The following SND1 variants were observed in gnomAD, a reference collection of about 807,000 sequenced individuals.
SND1 encodes staphylococcal nuclease and tudor domain containing 1.
A neutral mutation model predicts 121.7 loss-of-function variants in SND1; 38 were observed. The observed-to-expected ratio is 0.31, with a 90% CI of 0.24 to 0.41. The LOEUF is 0.41. Among genes scored for constraint, SND1 ranks in the 10% least tolerant of loss-of-function variants. SND1 has a pLI of 1.00. For synonymous variants in SND1, 401 were observed against 447.4 expected (o/e 0.90, Z 1.31); for missense variants, 868 against 1,184.6 (o/e 0.73, Z 3.92).
chr7:127,881,613 G>A (rs1563045821), intron 12 of SND1, among the ~76,000 whole-genome samples: 1 of 152,164 alleles, frequency 6.6e-6, no homozygotes, highest in Non-Finnish European at 1.5e-5. Flanking sequence ...ACCTTTGGCT[G>A]TAAATATAAC....
At chr7:127,893,898 C>G (rs1800064390) in intron 13 of SND1, among the ~76,000 whole-genome samples, 3 of 152,046 alleles carry the variant, frequency 2.0e-5, no homozygotes, top group Admixed American at 2.0e-4. Context: ...AAAACTAGCA[C>G]TCCAGCCTTG....
At chr7:127,959,267 A>G (rs1187950819) in intron 15 of SND1, among the ~76,000 whole-genome samples, 5 of 152,162 alleles carry the variant, frequency 3.3e-5, no homozygotes, top group Admixed American at 3.3e-4. Context: ...CCAGATCCCT[A>G]TCATCATGGC....
chr7:127,694,593 C>A (rs2116324637), intron 2 of SND1: 1 of 442,598 alleles, frequency 2.3e-6, no homozygotes, highest in Non-Finnish European at 4.0e-6. Flanking sequence ...AACTCTGAGG[C>A]CTGTTTTTAG....
chr7:127,861,568 A>G (rs1010031912), intron 12 of SND1, among the ~76,000 whole-genome samples: 2 of 152,066 alleles, frequency 1.3e-5, no homozygotes, highest in South Asian at 2.1e-4. Context: ...TCCGACTCCC[A>G]GGTTTAAGTG....
At chr7:128,026,413 GCTGC>G (rs1371343421) in intron 16 of SND1, among the ~76,000 whole-genome samples, 1 of 152,156 alleles carries the variant, frequency 6.6e-6, no homozygotes, top group Non-Finnish European at 1.5e-5. Flanking sequence ...GCTGCAAAGT[GCTGC>G]CTGCCTCTCT....
At chr7:127,928,608 A>G (rs1800897971) in intron 14 of SND1, among the ~76,000 whole-genome samples, 1 of 150,662 alleles carries the variant, frequency 6.6e-6, no homozygotes, top group South Asian at 2.1e-4. Flanking sequence ...TTTTTTTGAG[A>G]AAGAGTTTCG....
chr7:128,002,054 G>C (rs1802846660), intron 16 of SND1, among the ~76,000 whole-genome samples: 1 of 152,202 alleles, frequency 6.6e-6, no homozygotes. Context: ...GTTGTGAGCA[G>C]CATTCAGATT....
intron 16 of SND1, chr7:127,999,760 T>TA (rs1802776257): frequency 6.6e-6 from 1 of 152,194 alleles, no homozygotes. Context: ...TGGTATTCGA[T>TA]ACAGTCTACC....
chr7:128,027,781 T>A (rs966617302), intron 16 of SND1: 10 of 152,186 alleles, frequency 6.6e-5, no homozygotes, highest in African/African-American at 2.4e-4. Context: ...TGTGAATACA[T>A]TCTCTCTGCT....
chr7:127,688,271 T>C (rs955623436), intron 2 of SND1, among the ~76,000 whole-genome samples: 1 of 152,216 alleles, frequency 6.6e-6, no homozygotes, highest in East Asian at 1.9e-4. Flanking sequence ...CCCTTGCTTT[T>C]GTGGTCTGCC....
chr7:127,908,332 GTGTGTGTGTGT>G (rs1365964924), intron 14 of SND1, among the ~76,000 whole-genome samples: 1 of 147,622 alleles, frequency 6.8e-6, no homozygotes, highest in East Asian at 2.0e-4. Flanking sequence ...GTGTGTGTGT[GTGTGTGTGTGT>G]GTGTGTGTGT....
intron 6 of SND1, 89 bp from the exon 7 acceptor site, chr7:127,703,076 G>A (rs1439161146): frequency 9.2e-6 from 13 of 1,419,024 alleles, no homozygotes; most frequent in Non-Finnish European, 1.2e-5. Context: ...TTCGTGGCAT[G>A]TGTGTTTTTT....
intron 12 of SND1, among the ~76,000 whole-genome samples, chr7:127,854,238 C>T (rs1322203037): frequency 1.3e-5 from 2 of 152,176 alleles, no homozygotes; most frequent in Non-Finnish European, 2.9e-5. Flanking sequence ...GATTCTCTTG[C>T]TGAGTTCAGC....
chr7:127,937,037 A>C (rs1472997482), intron 15 of SND1, among the ~76,000 whole-genome samples: 1 of 150,778 alleles, frequency 6.6e-6, no homozygotes. Context: ...CTGTAAACCA[A>C]ATACTTTTCT....
In SND1 at chr7:127,929,334, G is replaced by T; in HGVS notation, c.1669+5G>T. On this transcript the variant is annotated splice_donor_5th_base_variant and intron_variant, in intron 15 of 23. Transcript: ENST00000354725. ...TTATCACCTTCTTGCTTGCAGGTAAGTCTTATGTGTTACATGTTACTCTGA... is the reference window on the plus strand; with the variant it reads ...TTATCACCTTCTTGCTTGCAGGTAATTCTTATGTGTTACATGTTACTCTGA... 6.2e-7 allele frequency: 1 copy of T among 1,613,892 alleles called. No homozygotes were observed. The highest frequency in any genetic ancestry group is 1.1e-5 in the South Asian group (1 of 91,068).
chr7:127,664,968 A>T (rs529926086), intron 1 of SND1, among the ~76,000 whole-genome samples: 3 of 152,324 alleles, frequency 2.0e-5, no homozygotes, highest in African/African-American at 7.2e-5. Context: ...AGTAGGAATG[A>T]CAATATCTGG....
chr7:127,989,594 T>G (rs1584719651), intron 15 of SND1, among the ~76,000 whole-genome samples: 1 of 151,754 alleles, frequency 6.6e-6, no homozygotes, highest in Non-Finnish European at 1.5e-5. Context: ...CTATGCCAGA[T>G]CTCTTGTACG....
chr7:128,087,914 C>A (rs1482595551), intron 21 of SND1, among the ~76,000 whole-genome samples: 1 of 152,102 alleles, frequency 6.6e-6, no homozygotes, highest in African/African-American at 2.4e-5. Context: ...ATGTCCAGAT[C>A]CCCCGGGAGC....
rs569524244 is a variant in SND1, at chr7:127,890,162, C to T, written c.1454+2150C>T. Among the ~76,000 whole-genome samples, 16 of 152,152 alleles carry T rather than the reference C, an allele frequency of 1.1e-4. No individual in the cohort carries two copies. In the South Asian group the frequency reaches 2.9e-3, roughly 28 times the overall value. On this transcript the variant is annotated intron_variant, in intron 13 of 23. Coordinates refer to ENST00000354725, the MANE Select transcript of SND1 (RefSeq NM_014390.4). The stretch of plus-strand genomic sequence containing the variant: ...TCCCACCAGCAGTGTACGAGGGCTC[C>T]CTTTTCTCCACATCCTTGCCAGAAT...
Sources: gnomAD v4.1 joint callset for allele counts (sites outside exome capture counted in the v4.1 genomes callset) on GRCh38, gnomAD v4.1.1 for gene constraint, MANE v1.5 for transcripts, NCBI Gene and HGNC (gene_info 2026-07-23, HGNC 2026-07-21) for gene names.